Variants in VBP1 observed in about 807,000 individuals in gnomAD.
VBP1 encodes VHL binding protein 1, also known as prefoldin subunit 3.
VBP1 carries 4 observed loss-of-function variants against 15.5 expected under a neutral mutation model. That is an observed-to-expected ratio of 0.26 (90% CI 0.13 to 0.59). The LOEUF (loss-of-function observed/expected upper bound fraction) is 0.59. Ranked by LOEUF, VBP1 falls within the 20% of genes least tolerant of loss-of-function variation. The pLI, the probability that VBP1 is intolerant of heterozygous loss-of-function variation, is 0.90. For missense variants in VBP1, 108 were observed against 139.6 expected, an observed-to-expected ratio of 0.77 and a Z score of 1.14; for synonymous variants, 61 against 52.1, an observed-to-expected ratio of 1.17 and a Z score of -0.74.
chrX:155,226,079 T>C (rs2074718486), intron 2 of VBP1, among the ~76,000 whole-genome samples: 1 of 112,003 alleles, frequency 8.9e-6, no homozygotes, highest in South Asian at 3.7e-4. Context: ...TCTAATAATA[T>C]TTAGTAAATT....
At chrX:155,230,266 G>A (rs370854037) in intron 4 of VBP1, among the ~76,000 whole-genome samples, 2 of 111,623 alleles carry the variant, frequency 1.8e-5, no homozygotes, top group East Asian at 5.6e-4. Flanking sequence ...GTGCATGCAT[G>A]TGTCCAAATT....
chrX:155,217,783 A>G (rs1430933554), intron 1 of VBP1, among the ~76,000 whole-genome samples: 1 of 111,403 alleles, frequency 9.0e-6, no homozygotes, highest in African/African-American at 3.3e-5. Flanking sequence ...TAGATGATAA[A>G]ACTGAGGTAC....
chrX:155,211,134 A>C, intron 2 of VBP1, among the ~76,000 whole-genome samples: 1 of 111,990 alleles, frequency 8.9e-6, no homozygotes, highest in Non-Finnish European at 1.9e-5. Context: ...TGTAGGCAAA[A>C]GCAGGTCTTC....
intron 1 of VBP1, among the ~76,000 whole-genome samples, chrX:155,198,818 A>G (rs1169608182): frequency 9.8e-5 from 11 of 112,055 alleles, no homozygotes; most frequent in African/African-American, 3.5e-4. Flanking sequence ...TCCGAGCTAC[A>G]GGAGGAAATT....
chrX:155,232,444 C>T (rs1447452854), intron 4 of VBP1, among the ~76,000 whole-genome samples: 1 of 111,015 alleles, frequency 9.0e-6, no homozygotes, highest in African/African-American at 3.3e-5. Context: ...ACATTTTTTT[C>T]CTAATATTTA....
chrX:155,212,262 G>A (rs782612338), upstream of VBP1, among the ~76,000 whole-genome samples: 5 of 111,754 alleles, frequency 4.5e-5, no homozygotes, highest in Admixed American at 9.5e-5. Flanking sequence ...TAAGGAGTCC[G>A]GCCCAAAGGA....
At chrX:155,208,824 A>G in intron 1 of VBP1, 1 of 866,555 alleles carries the variant, frequency 1.2e-6, no homozygotes, top group Non-Finnish European at 1.6e-6. Context: ...TAGGAGAGCA[A>G]TTAAATACTA....
upstream of VBP1, among the ~76,000 whole-genome samples, chrX:155,214,273 T>C (rs1190610546): frequency 8.9e-6 from 1 of 112,674 alleles, no homozygotes; most frequent in Non-Finnish European, 1.9e-5. Flanking sequence ...ATGTCAGAAC[T>C]ACACTAGTTC....
At chrX:155,224,050 C>G (rs1358212586) in intron 2 of VBP1, among the ~76,000 whole-genome samples, 1 of 108,610 alleles carries the variant, frequency 9.2e-6, no homozygotes, top group Non-Finnish European at 1.9e-5. Context: ...GATGGGCGGC[C>G]GGGCAGAGAC....
At chrX:155,218,605 T>G (rs1012502717) in intron 1 of VBP1, among the ~76,000 whole-genome samples, 3 of 111,263 alleles carry the variant, frequency 2.7e-5, no homozygotes, top group Non-Finnish European at 5.7e-5. Flanking sequence ...CTCTTCATCT[T>G]TCCACATCTA....
At chrX:155,226,123 C>T (rs904047040) in intron 2 of VBP1, among the ~76,000 whole-genome samples, 3 of 111,844 alleles carry the variant, frequency 2.7e-5, no homozygotes, top group Non-Finnish European at 5.6e-5. Context: ...GTTTTTATAT[C>T]CTTAGTCTGT....
intron 1 of VBP1, among the ~76,000 whole-genome samples, chrX:155,201,789 C>T (rs1307486951): frequency 9.1e-6 from 1 of 109,411 alleles, no homozygotes; most frequent in South Asian, 3.9e-4. Context: ...GAAATAAAGG[C>T]TATTCAATTA....
At chrX:155,199,627 A>G (rs1414463985) in intron 1 of VBP1, among the ~76,000 whole-genome samples, 2 of 112,154 alleles carry the variant, frequency 1.8e-5, no homozygotes, top group Non-Finnish European at 3.8e-5. Flanking sequence ...ATGGAAAGGA[A>G]CAACCAGTAC....
intron 2 of VBP1, 94 bp downstream of exon 2, chrX:155,220,401 G>A: frequency 1.2e-6 from 1 of 808,466 alleles, no homozygotes; most frequent in Non-Finnish European, 1.7e-6. Context: ...ATATTCAGAT[G>A]TCAAGTGTTC....
chrX:155,216,584 C>G lies in VBP1; in HGVS notation c.93+9C>G. The G allele has an allele frequency of 8.6e-7, 1 of 1,168,221 alleles. No individual in the cohort carries two copies. Among genetic ancestry groups the G allele is most frequent in the Non-Finnish European group, 1.1e-6 (1 of 873,134 alleles). On this transcript the variant is annotated intron_variant, in intron 1 of 5. Transcript: ENST00000286428. The stretch of plus-strand genomic sequence containing the variant: ...CTGAGGCCGTGTTTGTGGTAAGAGG[C>G]ACGCTGTTCCCTGGCATCTTGGCTT...
intron 1 of VBP1, among the ~76,000 whole-genome samples, chrX:155,199,806 A>C (rs1367669931): frequency 2.7e-5 from 3 of 112,504 alleles, no homozygotes; most frequent in African/African-American, 9.7e-5. Context: ...TAAAAGACAC[A>C]GACTGGCAAA....
At chrX:155,220,084 C>A in intron 1 of VBP1, 99 bp from the exon 2 acceptor site, 3 of 850,727 alleles carry the variant, frequency 3.5e-6, no homozygotes, top group East Asian at 3.8e-5. Flanking sequence ...TGGAGAAAAA[C>A]AAAGCTTTTT....
chrX:155,218,155 G>A, intron 1 of VBP1, among the ~76,000 whole-genome samples: 1 of 111,269 alleles, frequency 9.0e-6, no homozygotes, highest in Non-Finnish European at 1.9e-5. Context: ...TTTTTTTCTA[G>A]ACCTTAAAAT....
chrX:155,220,066 C>A, intron 1 of VBP1, 117 bp from the exon 2 acceptor site: 1 of 695,237 alleles, frequency 1.4e-6, no homozygotes, highest in Non-Finnish European at 2.0e-6. Context: ...TAGTTAAAAA[C>A]AAACCTTTGG....
Sources: allele counts gnomAD v4.1 joint callset (sites outside exome capture counted in the v4.1 genomes callset), GRCh38; gene constraint gnomAD v4.1.1; transcripts MANE v1.5; gene names NCBI Gene and HGNC (gene_info 2026-07-23, HGNC 2026-07-21).